The following MEI4 variants were observed in gnomAD, a reference collection of about 807,000 sequenced individuals.
MEI4 encodes meiosis-specific protein MEI4.
MEI4 carries 27 observed loss-of-function variants against 31.4 expected under a neutral mutation model. That is an observed-to-expected ratio of 0.86 (90% CI 0.63 to 1.19). The LOEUF is 1.19. Ranked by LOEUF, MEI4 falls within the 50% of genes most tolerant of loss-of-function variation. The pLI is 0.00. For missense variants in MEI4, 329 were observed against 398.9 expected (o/e 0.82, Z 1.49); for synonymous variants, 122 against 145.4 (o/e 0.84, Z 1.16).
At chr6:77,835,176 T>A (rs1391299578) in intron 4 of MEI4, among the ~76,000 whole-genome samples, 1 of 149,260 alleles carries the variant, frequency 6.7e-6, no homozygotes, top group African/African-American at 2.4e-5. Context: ...AAAAATGGGC[T>A]TAAGGATATG....
At chr6:77,812,510 G>A (rs891773197) in intron 3 of MEI4, among the ~76,000 whole-genome samples, 14 of 152,146 alleles carry the variant, frequency 9.2e-5, no homozygotes, top group Non-Finnish European at 1.9e-4. Flanking sequence ...TGTTCTGTAG[G>A]GATTGTTTCT....
At position 77,742,703 on chromosome 6, in the gene MEI4, T is replaced by C. The variant is rs9448191; in HGVS notation, c.233-18427T>C. On this transcript the variant is annotated intron_variant, in intron 2 of 4. Coordinates refer to ENST00000684080, the MANE Select transcript of MEI4 (RefSeq NM_001322247.2). The stretch of plus-strand genomic sequence containing the variant: ...GACCTGAAGTCCTTGCCCATGCCTG[T>C]GTCCTGAATGGTAATGCCTAGGTTT... Among the ~76,000 whole-genome samples the C allele has an allele frequency of 6.9e-3, 1,057 of 152,320 alleles. 12 individuals carry two copies. The highest frequency in any genetic ancestry group is 0.024 in the African/African-American group (996 of 41,556).
intron 3 of MEI4, among the ~76,000 whole-genome samples, chr6:77,810,722 A>G (rs1412349931): frequency 6.6e-6 from 1 of 152,200 alleles, no homozygotes; most frequent in Non-Finnish European, 1.5e-5. Context: ...TATAATAATC[A>G]AAGGTTAATA....
intron 4 of MEI4, among the ~76,000 whole-genome samples, chr6:77,920,368 A>G (rs9448255): frequency 6.6e-6 from 1 of 151,854 alleles, no homozygotes; most frequent in Non-Finnish European, 1.5e-5. Context: ...TAAATGTAAT[A>G]CAGCATATAA....
intron 2 of MEI4, among the ~76,000 whole-genome samples, chr6:77,716,587 G>A (rs77034842): frequency 0.028 from 4,197 of 152,108 alleles, 71 homozygotes; most frequent in Middle Eastern, 0.059. Context: ...CCTGGGATTG[G>A]CAAAAAAGGG....
intron 1 of MEI4, among the ~76,000 whole-genome samples, chr6:77,686,085 T>C (rs1377102643): frequency 1.3e-5 from 2 of 152,108 alleles, no homozygotes; most frequent in Non-Finnish European, 2.9e-5. Flanking sequence ...CTTTTTCTTA[T>C]CATGTGACAC....
At chr6:77,683,672 C>A (rs1451053246) in intron 1 of MEI4, among the ~76,000 whole-genome samples, 1 of 152,088 alleles carries the variant, frequency 6.6e-6, no homozygotes, top group Non-Finnish European at 1.5e-5. Flanking sequence ...GTGCCTGGCT[C>A]ATTTCACTCA....
chr6:77,896,449 G>T (rs1581960090), intron 4 of MEI4, among the ~76,000 whole-genome samples: 1 of 152,132 alleles, frequency 6.6e-6, no homozygotes, highest in Middle Eastern at 3.4e-3. Context: ...CTTTCCTCTA[G>T]AATAGACTTG....
At chr6:77,824,694 C>A (rs1285341325) in intron 3 of MEI4, among the ~76,000 whole-genome samples, 3 of 151,646 alleles carry the variant, frequency 2.0e-5, no homozygotes, top group Non-Finnish European at 2.9e-5. Context: ...GGACTCTACC[C>A]CTTACAAGTG....
intron 4 of MEI4, among the ~76,000 whole-genome samples, chr6:77,877,999 A>T (rs1771385359): frequency 6.6e-6 from 1 of 152,100 alleles, no homozygotes. Flanking sequence ...GGAAGTATTT[A>T]ATGATTCTCA....
intron 3 of MEI4, among the ~76,000 whole-genome samples, chr6:77,786,111 G>A (rs1582139852): frequency 6.6e-6 from 1 of 151,980 alleles, no homozygotes; most frequent in African/African-American, 2.4e-5. Context: ...TTATGGAATG[G>A]GAATTATTTG....
intron 4 of MEI4, among the ~76,000 whole-genome samples, chr6:77,901,778 A>G (rs575487296): frequency 2.0e-5 from 3 of 152,116 alleles, no homozygotes; most frequent in Non-Finnish European, 4.4e-5. Context: ...TATCCAAAAA[A>G]TAATTGCCAA....
intron 2 of MEI4, among the ~76,000 whole-genome samples, chr6:77,731,618 A>C (rs1281326810): frequency 1.3e-5 from 2 of 151,176 alleles, no homozygotes; most frequent in Admixed American, 6.6e-5. Flanking sequence ...GCTGTGCAGA[A>C]GCTCTTTAGT....
intron 1 of MEI4, among the ~76,000 whole-genome samples, chr6:77,689,909 T>G (rs902886128): frequency 6.6e-6 from 1 of 151,944 alleles, no homozygotes; most frequent in Non-Finnish European, 1.5e-5. Context: ...GGCCACAGGG[T>G]CTTATACTTG....
At chr6:77,802,940 A>G (rs1347840069) in intron 3 of MEI4, among the ~76,000 whole-genome samples, 3 of 151,996 alleles carry the variant, frequency 2.0e-5, no homozygotes, top group Non-Finnish European at 2.9e-5. Flanking sequence ...GAATCTTACA[A>G]TTATGTGTCT....
intron 4 of MEI4, among the ~76,000 whole-genome samples, chr6:77,900,345 T>C (rs1047148043): frequency 6.6e-6 from 1 of 152,008 alleles, no homozygotes; most frequent in Non-Finnish European, 1.5e-5. Context: ...GGTATATATA[T>C]ATAGAAAGGA....
At chr6:77,850,625 A>G (rs544130213) in intron 4 of MEI4, among the ~76,000 whole-genome samples, 3 of 152,348 alleles carry the variant, frequency 2.0e-5, no homozygotes, top group Non-Finnish European at 4.4e-5. Context: ...CACCTTATAC[A>G]AAAATTAATT....
chr6:77,803,942 C>G (rs1157343486), intron 3 of MEI4, among the ~76,000 whole-genome samples: 5 of 152,194 alleles, frequency 3.3e-5, no homozygotes, highest in Non-Finnish European at 5.9e-5. Context: ...AGGAGGCCGT[C>G]TGTCCATTCT....
intron 4 of MEI4, among the ~76,000 whole-genome samples, chr6:77,849,114 A>G (rs1770554794): frequency 6.6e-6 from 1 of 152,222 alleles, no homozygotes; most frequent in South Asian, 2.1e-4. Context: ...AAATCAGGAA[A>G]GAGTTATTTC....
Sources: gnomAD v4.1 joint callset for allele counts (sites outside exome capture counted in the v4.1 genomes callset) on GRCh38, gnomAD v4.1.1 for gene constraint, MANE v1.5 for transcripts, NCBI Gene and HGNC (gene_info 2026-07-23, HGNC 2026-07-21) for gene names.